Variants in TAF2 observed in about 807,000 individuals in gnomAD.
TAF2 encodes the protein TATA-box binding protein associated factor 2.
A neutral mutation model predicts 138.5 loss-of-function variants in TAF2; 61 were observed. That is an observed-to-expected ratio of 0.44 (90% CI 0.36 to 0.54). The LOEUF is 0.54. Among genes scored for constraint, TAF2 ranks in the 20% least tolerant of loss-of-function variants. The probability of loss-of-function intolerance (pLI) is 0.00; values close to 1 mark genes in which losing one functional copy is unlikely to be tolerated. For synonymous variants in TAF2, 475 were observed against 469.9 expected, an observed-to-expected ratio of 1.01 and a Z score of -0.14; for missense variants, 1,090 against 1,427.9, an observed-to-expected ratio of 0.76 and a Z score of 3.81.
intron 25 of TAF2, among the ~76,000 whole-genome samples, chr8:119,732,933 C>T (rs142362127): frequency 8.9e-4 from 135 of 152,220 alleles, no homozygotes; most frequent in African/African-American, 3.2e-3. Flanking sequence ...CCTTGAACAA[C>T]ATGGGTTTGA....
At chr8:119,761,812 A>C (rs1313695676) in intron 19 of TAF2, 1 of 152,320 alleles carries the variant, frequency 6.6e-6, no homozygotes, top group Non-Finnish European at 1.5e-5. Context: ...AAAAAAAAAA[A>C]AAAGAAAACA....
chr8:119,798,269 T>C (rs1401210452), intron 6 of TAF2, among the ~76,000 whole-genome samples: 2 of 152,210 alleles, frequency 1.3e-5, no homozygotes, highest in African/African-American at 2.4e-5. Flanking sequence ...TATCTGCATA[T>C]AAAAATAATT....
At chr8:119,783,330 T>C (rs1199813131) in intron 16 of TAF2, 51 bp downstream of exon 16, 2 of 1,577,334 alleles carry the variant, frequency 1.3e-6, no homozygotes, top group East Asian at 2.3e-5. Flanking sequence ...TTTTCAGAGA[T>C]ACAAAAAATA....
intron 4 of TAF2, among the ~76,000 whole-genome samples, chr8:119,804,964 A>G (rs1230218890): frequency 6.6e-6 from 1 of 152,094 alleles, no homozygotes; most frequent in East Asian, 1.9e-4. Context: ...CTATCTCCAA[A>G]CCCTAAAAAT....
intron 2 of TAF2, among the ~76,000 whole-genome samples, chr8:119,827,246 T>C (rs1183193734): frequency 1.3e-5 from 2 of 152,150 alleles, no homozygotes. Context: ...TTCTCAAATA[T>C]CATGTTCTTC....
At chr8:119,811,894 A>G (rs1825095011) in intron 3 of TAF2, among the ~76,000 whole-genome samples, 2 of 151,950 alleles carry the variant, frequency 1.3e-5, no homozygotes, top group South Asian at 2.1e-4. Flanking sequence ...CTACCTTAAC[A>G]GGTTTTCCTA....
At chr8:119,746,132 G>A (rs1304115410) in intron 23 of TAF2, among the ~76,000 whole-genome samples, 1 of 152,064 alleles carries the variant, frequency 6.6e-6, no homozygotes, top group African/African-American at 2.4e-5. Flanking sequence ...AGCACTTTGG[G>A]AGGCCACGGT....
intron 25 of TAF2, among the ~76,000 whole-genome samples, chr8:119,739,752 T>C (rs1277360984): frequency 2.0e-5 from 3 of 149,926 alleles, no homozygotes; most frequent in Non-Finnish European, 4.4e-5. Context: ...CATAAATGAG[T>C]AAACAGACTA....
chr8:119,783,768 GT>G (rs1350603635), intron 15 of TAF2, 135 bp from the exon 16 acceptor site: 1 of 1,090,118 alleles, frequency 9.2e-7, no homozygotes, highest in Non-Finnish European at 1.3e-6. Context: ...GAGTTTTACT[GT>G]ATTCATTTTT....
At chr8:119,756,174 A>G in intron 21 of TAF2, 59 bp from the exon 22 acceptor site, 3 of 1,188,306 alleles carry the variant, frequency 2.5e-6, no homozygotes, top group Non-Finnish European at 3.7e-6. Context: ...TGCTATGAGT[A>G]GGAGACAACA....
At chr8:119,817,965 T>C (rs971781447) in intron 3 of TAF2, among the ~76,000 whole-genome samples, 2 of 152,252 alleles carry the variant, frequency 1.3e-5, no homozygotes, top group South Asian at 2.1e-4. Flanking sequence ...TTAAAAGCAA[T>C]GTAATTTCAA....
At chr8:119,819,918 C>G (rs1825713337) in intron 2 of TAF2, among the ~76,000 whole-genome samples, 1 of 152,018 alleles carries the variant, frequency 6.6e-6, no homozygotes, top group South Asian at 2.1e-4. Flanking sequence ...AAAAATTATA[C>G]CACTGAAGCT....
chr8:119,756,880 G>A (rs976825526), intron 21 of TAF2, among the ~76,000 whole-genome samples: 5 of 152,200 alleles, frequency 3.3e-5, no homozygotes, highest in African/African-American at 1.2e-4. Context: ...AAAAAGAAAG[G>A]AGAAGTAAGA....
intron 21 of TAF2, 26 bp downstream of exon 21, chr8:119,758,047 C>T: frequency 6.3e-7 from 1 of 1,591,852 alleles, no homozygotes; most frequent in Non-Finnish European, 8.6e-7. Flanking sequence ...TACAAAATAT[C>T]ATAGCATCAT....
At chr8:119,737,122 T>C (rs1467442198) in intron 25 of TAF2, among the ~76,000 whole-genome samples, 1 of 152,162 alleles carries the variant, frequency 6.6e-6, no homozygotes, top group African/African-American at 2.4e-5. Flanking sequence ...CCAACTGCAA[T>C]GTGGACCCTA....
At chr8:119,752,666 A>G (rs1461144212) in intron 22 of TAF2, among the ~76,000 whole-genome samples, 1 of 152,190 alleles carries the variant, frequency 6.6e-6, no homozygotes, top group African/African-American at 2.4e-5. Flanking sequence ...ATCCAACCAC[A>G]ATTTCTCTCT....
chr8:119,790,495 T>C (rs1463451489), intron 11 of TAF2, among the ~76,000 whole-genome samples: 1 of 151,776 alleles, frequency 6.6e-6, no homozygotes, highest in African/African-American at 2.4e-5. Flanking sequence ...TTAAAGAAAC[T>C]GAACTTTACA....
At chr8:119,770,967 A>C (rs1821791173) in intron 18 of TAF2, among the ~76,000 whole-genome samples, 1 of 152,078 alleles carries the variant, frequency 6.6e-6, no homozygotes, top group Non-Finnish European at 1.5e-5. Flanking sequence ...GCTACACAGG[A>C]GGCTGAGGCA....
intron 8 of TAF2, among the ~76,000 whole-genome samples, chr8:119,796,057 C>G (rs1374195046): frequency 6.6e-6 from 1 of 151,996 alleles, no homozygotes; most frequent in Non-Finnish European, 1.5e-5. Flanking sequence ...TATTCTAAAA[C>G]CTAAAGTTTA....
Sources: gnomAD v4.1 joint callset for allele counts (sites outside exome capture counted in the v4.1 genomes callset) on GRCh38, gnomAD v4.1.1 for gene constraint, MANE v1.5 for transcripts, NCBI Gene and HGNC (gene_info 2026-07-23, HGNC 2026-07-21) for gene names.